BARD1: variants seen among roughly 807,000 people sequenced by gnomAD.
BARD1 encodes the protein BRCA1 associated RING domain 1.
Under a neutral mutation model 77.0 loss-of-function variants are expected in BARD1, and 73 were observed. The ratio of observed to expected loss-of-function variants is 0.95; its 90% CI spans 0.79 to 1.15. The LOEUF (loss-of-function observed/expected upper bound fraction) is 1.15. Ranked by LOEUF, BARD1 falls within the 50% of genes most tolerant of loss-of-function variation. The pLI, the probability that BARD1 is intolerant of heterozygous loss-of-function variation, is 0.00. For synonymous variants in BARD1, 384 were observed against 338.0 expected (o/e 1.14, Z -1.49); for missense variants, 993 against 938.8 (o/e 1.06, Z -0.75).
Position 214,725,658 on chromosome 2 carries a change from A to T in BARD1, c.*3018T>A, listed in dbSNP as rs2105981198. On this transcript the variant is annotated 3_prime_UTR_variant, in exon 11 of 11. Coordinates refer to ENST00000260947, the MANE Select transcript of BARD1 (RefSeq NM_000465.4). ...TCTTAAACGAAGACAACTTCTCAAT[A>T]TTTATTTATTCATTCAGTTTGATGT... 1 of 210,534 alleles carries T rather than the reference A, an allele frequency of 4.7e-6. No homozygotes were observed. The highest frequency in any genetic ancestry group is 2.3e-5 in the African/African-American group (1 of 44,228). 13.0% of individuals were successfully genotyped at this position (210,534 alleles called of 1,614,324 possible).
chr2:214,809,665 C>A lies in BARD1; in HGVS notation c.-96G>T. The A allele has an allele frequency of 6.8e-7, 1 of 1,464,210 alleles. No homozygotes were observed. Among genetic ancestry groups the A allele is most frequent in the Non-Finnish European group, 9.2e-7 (1 of 1,087,914 alleles). 90.7% of individuals were successfully genotyped at this position (1,464,210 alleles called of 1,614,324 possible). Reference sequence around the variant, plus strand: ...CTGCAGGCCAGCGACTCGAAACCGGCCAAGCTCTTCCCGCGTCTGGGACGG... The same window carrying A: ...CTGCAGGCCAGCGACTCGAAACCGGACAAGCTCTTCCCGCGTCTGGGACGG... On this transcript the variant is annotated 5_prime_UTR_variant, in exon 1 of 11. Coordinates refer to ENST00000260947, the MANE Select transcript of BARD1 (RefSeq NM_000465.4).
intron 4 of BARD1, 90 bp downstream of exon 4, chr2:214,780,470 A>G: frequency 9.2e-7 from 1 of 1,083,206 alleles, no homozygotes; most frequent in Non-Finnish European, 1.4e-6. Flanking sequence ...TAATTATCCT[A>G]GTAATCCTAT....
Position 214,781,322 on chromosome 2 carries a change from G to C in BARD1, c.552C>G (p.Ser184=). Residue 184 remains serine, a synonymous_variant, in exon 4 of 11, where the codon TCC becomes TCG. Transcript: ENST00000260947. ...CAGAAACATCTGCAGGAGGACTTGG[G>C]GAAACAAATTCATATGAGTCTTGCT... is the stretch of plus-strand genomic sequence containing the variant. ...SAQQDSYEFV[S]PSPPADVSER... 6.2e-7 allele frequency: 1 copy of C among 1,612,758 alleles called. No homozygotes were observed. Among genetic ancestry groups the C allele is most frequent in the Non-Finnish European group, 8.5e-7 (1 of 1,179,750 alleles).
intron 6 of BARD1, among the ~76,000 whole-genome samples, chr2:214,761,737 C>T (rs1693974490): frequency 6.6e-6 from 1 of 152,070 alleles, no homozygotes; most frequent in Non-Finnish European, 1.5e-5. Flanking sequence ...GGGAAGAAAG[C>T]TTCCACAGGG....
intron 6 of BARD1, among the ~76,000 whole-genome samples, chr2:214,758,566 C>T (rs1693808421): frequency 6.6e-6 from 1 of 152,158 alleles, no homozygotes; most frequent in Non-Finnish European, 1.5e-5. Flanking sequence ...ATTATGTCTT[C>T]TTAACAACAT....
At position 214,780,931 on chromosome 2, in the gene BARD1, G is replaced by A. The variant is rs777089938; in HGVS notation, c.943C>T (p.Pro315Ser). 1 of 1,613,892 alleles carries A rather than the reference G, an allele frequency of 6.2e-7. No individual in the cohort carries two copies. Among genetic ancestry groups the A allele is most frequent in the Admixed American group, 1.7e-5 (1 of 59,966 alleles). Residue 315 changes from proline to serine, a missense_variant, in exon 4 of 11, where the codon CCA becomes TCA. Transcript: ENST00000260947. The part of the protein sequence containing the change: ...KNYLTSKKSL[P>S]LENNGKRGHH... ...CCACGTTTTCCATTATTTTCTAATG[G>A]CAAAGATTTCTTAGATGTAAGATAA... is the stretch of plus-strand genomic sequence containing the variant.
chr2:214,740,135 T>TG (rs1394335865), intron 9 of BARD1, among the ~76,000 whole-genome samples: 1 of 152,068 alleles, frequency 6.6e-6, no homozygotes, highest in Non-Finnish European at 1.5e-5. Context: ...AGAAAACTCA[T>TG]GCTCAGTGTT....
chr2:214,783,960 CAA>C (rs1163187940), intron 3 of BARD1, among the ~76,000 whole-genome samples: 2 of 152,086 alleles, frequency 1.3e-5, no homozygotes, highest in Non-Finnish European at 2.9e-5. Flanking sequence ...TGGGCATGGG[CAA>C]AGACTTCAAG....
Position 214,732,385 on chromosome 2 carries a change from T to C in BARD1, c.1904-1877A>G, listed in dbSNP as rs541634265. On this transcript the variant is annotated intron_variant, in intron 9 of 10. Transcript: ENST00000260947. ...GAGTAAAATGTCTTTTGACCTATGATGATTTTTTTTTCTTTTTTTTTTTTT... is the reference window on the plus strand; with the variant it reads ...GAGTAAAATGTCTTTTGACCTATGACGATTTTTTTTTCTTTTTTTTTTTTT... 2.6e-5 allele frequency among the ~76,000 whole-genome samples: 4 copies of C among 152,044 alleles called. No individual in the cohort carries two copies. In the East Asian group the frequency reaches 7.7e-4, roughly 29 times the overall value.
intron 9 of BARD1, among the ~76,000 whole-genome samples, chr2:214,737,676 A>C (rs986417033): frequency 1.3e-5 from 2 of 152,196 alleles, no homozygotes; most frequent in Non-Finnish European, 2.9e-5. Context: ...TCAGCAATTC[A>C]AATGGTGATA....
At chr2:214,732,029 T>G (rs1574710423) in intron 9 of BARD1, among the ~76,000 whole-genome samples, 1 of 152,220 alleles carries the variant, frequency 6.6e-6, no homozygotes, top group African/African-American at 2.4e-5. Context: ...TCACTTGATA[T>G]CTAATGGCTT....
Position 214,780,960 on chromosome 2 carries a change from T to C in BARD1, c.914A>G (p.Lys305Arg). The C allele has an allele frequency of 6.2e-7, 1 of 1,613,714 alleles. No individual in the cohort carries two copies. The change falls in exon 4 of 11, where the codon AAA becomes AGA. Residue 305 changes from lysine to arginine, a missense_variant. Lys to Arg is a conservative substitution (Grantham distance 26, BLOSUM62 2). Coordinates refer to ENST00000260947, the MANE Select transcript of BARD1 (RefSeq NM_000465.4). ...NEVVTPEKVC[K>R]NYLTSKKSLP... The stretch of plus-strand genomic sequence containing the variant: ...AGATTTCTTAGATGTAAGATAATTT[T>C]TGCAGACCTTCTCAGGAGTCACTAC...
intron 8 of BARD1, 126 bp from the exon 9 acceptor site, chr2:214,745,285 C>T: frequency 1.3e-6 from 1 of 796,236 alleles, no homozygotes; most frequent in African/African-American, 1.7e-5. Context: ...ACAATTTTTA[C>T]ACTTAAGTGT....
intron 6 of BARD1, among the ~76,000 whole-genome samples, chr2:214,755,131 C>T (rs1265351969): frequency 1.3e-5 from 2 of 152,086 alleles, no homozygotes; most frequent in African/African-American, 4.8e-5. Flanking sequence ...CATTGTAAAA[C>T]TAATAGGTAC....
At chr2:214,782,286 C>T (rs1487618747) in intron 3 of BARD1, among the ~76,000 whole-genome samples, 1 of 152,002 alleles carries the variant, frequency 6.6e-6, no homozygotes, top group East Asian at 1.9e-4. Flanking sequence ...TTTTCACTTA[C>T]ATCAAATATA....
At chr2:214,761,197 T>C (rs1366256213) in intron 6 of BARD1, among the ~76,000 whole-genome samples, 2 of 151,756 alleles carry the variant, frequency 1.3e-5, no homozygotes, top group Admixed American at 1.3e-4. Flanking sequence ...ATGTGAGTTA[T>C]CAAAATAGAT....
Position 214,730,528 on chromosome 2 carries a change from T to TA in BARD1, c.1904-21dup. Reference sequence around the variant, plus strand: ...TTACCCCTGACAAAAACACAAGAATTAAAGCAAACTAAGTATCAAGTGAGC... The same window carrying TA: ...TTACCCCTGACAAAAACACAAGAATTAAAAGCAAACTAAGTATCAAGTGAGC... On this transcript the variant is annotated intron_variant, in intron 9 of 10. Transcript: ENST00000260947. The TA allele has an allele frequency of 6.3e-7, 1 of 1,577,478 alleles. No homozygotes were observed. The highest frequency in any genetic ancestry group is 8.7e-7 in the Non-Finnish European group (1 of 1,146,996).
At chr2:214,736,525 A>T (rs1692573597) in intron 9 of BARD1, among the ~76,000 whole-genome samples, 1 of 152,134 alleles carries the variant, frequency 6.6e-6, no homozygotes, top group Admixed American at 6.6e-5. Context: ...ATGAATGGCT[A>T]ATGTCTAATT....
At chr2:214,792,011 C>T (rs1293738911) in intron 3 of BARD1, among the ~76,000 whole-genome samples, 2 of 151,830 alleles carry the variant, frequency 1.3e-5, no homozygotes, top group African/African-American at 4.8e-5. Context: ...CTATGGTTCC[C>T]GTCATTTCTC....
Sources: gnomAD v4.1 joint callset for allele counts (sites outside exome capture counted in the v4.1 genomes callset) on GRCh38, gnomAD v4.1.1 for gene constraint, MANE v1.5 for transcripts, NCBI Gene and HGNC (gene_info 2026-07-23, HGNC 2026-07-21) for gene names.